SPAG16: variants seen among roughly 807,000 people sequenced by gnomAD.
SPAG16 encodes the protein sperm associated antigen 16.
A neutral mutation model predicts 80.4 loss-of-function variants in SPAG16; 86 were observed. The ratio of observed to expected loss-of-function variants is 1.07; its 90% CI spans 0.90 to 1.28. The LOEUF (loss-of-function observed/expected upper bound fraction) is 1.28, where lower values mean the gene tolerates loss of function less well. SPAG16 is among the 50% of genes most tolerant of loss of function. The probability of loss-of-function intolerance (pLI) is 0.00; values close to 1 mark genes in which losing one functional copy is unlikely to be tolerated. For missense variants in SPAG16, 870 were observed against 765.3 expected, an observed-to-expected ratio of 1.14 and a Z score of -1.61; for synonymous variants, 294 against 265.9, an observed-to-expected ratio of 1.11 and a Z score of -1.03.
intron 15 of SPAG16, among the ~76,000 whole-genome samples, chr2:214,279,518 C>G (rs1576664498): frequency 6.6e-6 from 1 of 152,116 alleles, no homozygotes; most frequent in South Asian, 2.1e-4. Flanking sequence ...TTGATGAACT[C>G]TGTAAGGTAA....
At chr2:214,064,035 G>C (rs2050412776) in intron 13 of SPAG16, among the ~76,000 whole-genome samples, 1 of 152,076 alleles carries the variant, frequency 6.6e-6, no homozygotes. Context: ...ACAACCTAGA[G>C]TCATGTACTG....
intron 10 of SPAG16, among the ~76,000 whole-genome samples, chr2:213,543,015 A>C (rs1221177045): frequency 6.6e-6 from 1 of 152,128 alleles, no homozygotes; most frequent in African/African-American, 2.4e-5. Context: ...AAGAAGTTTC[A>C]AATTCAATAA....
chr2:213,441,407 G>T (rs1013985909), intron 9 of SPAG16, among the ~76,000 whole-genome samples: 2 of 152,146 alleles, frequency 1.3e-5, no homozygotes, highest in African/African-American at 4.8e-5. Flanking sequence ...ATCTACATAT[G>T]CAGATCTATA....
At chr2:213,711,877 T>G (rs992113917) in intron 10 of SPAG16, among the ~76,000 whole-genome samples, 1 of 152,168 alleles carries the variant, frequency 6.6e-6, no homozygotes, top group East Asian at 1.9e-4. Flanking sequence ...CTATGTATTC[T>G]AACATCAAGC....
At chr2:214,116,183 C>T (rs2053925453) in intron 14 of SPAG16, among the ~76,000 whole-genome samples, 1 of 152,252 alleles carries the variant, frequency 6.6e-6, no homozygotes, top group Admixed American at 6.5e-5. Context: ...AGAGGAACCA[C>T]ACAGACTACT....
chr2:213,871,496 A>G (rs2075942818), intron 11 of SPAG16, among the ~76,000 whole-genome samples: 1 of 151,980 alleles, frequency 6.6e-6, no homozygotes, highest in African/African-American at 2.4e-5. Flanking sequence ...AAGCACACTG[A>G]CATATTTCTA....
intron 13 of SPAG16, among the ~76,000 whole-genome samples, chr2:214,047,500 A>G (rs1178833759): frequency 6.6e-6 from 1 of 152,200 alleles, no homozygotes; most frequent in African/African-American, 2.4e-5. Flanking sequence ...ATGCAGAAGA[A>G]TGAAACTAGA....
At chr2:214,112,129 GTTTC>G (rs2125418538) in intron 14 of SPAG16, among the ~76,000 whole-genome samples, 1 of 152,292 alleles carries the variant, frequency 6.6e-6, no homozygotes, top group South Asian at 2.1e-4. Context: ...TTTTGAGTGA[GTTTC>G]TTAATCCTGA....
chr2:214,175,316 GAAATATA>G (rs1320414264), intron 15 of SPAG16, among the ~76,000 whole-genome samples: 2 of 143,988 alleles, frequency 1.4e-5, no homozygotes, highest in East Asian at 4.0e-4. Context: ...TATATATAAA[GAAATATA>G]TATATAAAGA....
intron 12 of SPAG16, among the ~76,000 whole-genome samples, chr2:213,991,155 C>T (rs1003793308): frequency 3.9e-5 from 6 of 152,092 alleles, no homozygotes; most frequent in African/African-American, 1.2e-4. Flanking sequence ...TCTCCCCTAG[C>T]CCCCACTCCC....
intron 10 of SPAG16, among the ~76,000 whole-genome samples, chr2:213,565,012 CTAT>C (rs2059714641): frequency 6.6e-6 from 1 of 152,150 alleles, no homozygotes; most frequent in Admixed American, 6.5e-5. Flanking sequence ...TTTATAGTCA[CTAT>C]TATTAAAATA....
chr2:213,637,278 C>G (rs2062400319), intron 10 of SPAG16, among the ~76,000 whole-genome samples: 1 of 152,130 alleles, frequency 6.6e-6, no homozygotes, highest in African/African-American at 2.4e-5. Context: ...ATATTTTGAA[C>G]CATTCCTGCA....
At chr2:213,580,575 C>T (rs1006237281) in intron 10 of SPAG16, among the ~76,000 whole-genome samples, 3 of 152,098 alleles carry the variant, frequency 2.0e-5, no homozygotes, top group Non-Finnish European at 2.9e-5. Flanking sequence ...TCATGATTCA[C>T]AACCCCAACA....
intron 5 of SPAG16, among the ~76,000 whole-genome samples, chr2:213,332,680 C>T (rs1339244914): frequency 6.6e-6 from 1 of 152,082 alleles, no homozygotes; most frequent in African/African-American, 2.4e-5. Context: ...TTCATCATGA[C>T]CAAGTGGGAA....
chr2:213,947,089 T>C (rs2079513584), intron 12 of SPAG16, among the ~76,000 whole-genome samples: 1 of 152,174 alleles, frequency 6.6e-6, no homozygotes, highest in Non-Finnish European at 1.5e-5. Context: ...AGTTTATTTA[T>C]TCACTCCTTG....
chr2:213,518,390 C>T (rs1472688946), intron 10 of SPAG16, among the ~76,000 whole-genome samples: 3 of 152,162 alleles, frequency 2.0e-5, no homozygotes, highest in Admixed American at 6.5e-5. Context: ...GCCTCAGCCT[C>T]CTACAGGAAG....
intron 14 of SPAG16, among the ~76,000 whole-genome samples, chr2:214,145,904 A>T (rs1432189314): frequency 6.6e-6 from 1 of 152,176 alleles, no homozygotes; most frequent in East Asian, 1.9e-4. Flanking sequence ...CGTAGTAAGA[A>T]CTATACTGGA....
At chr2:214,187,992 G>A (rs889384031) in intron 15 of SPAG16, among the ~76,000 whole-genome samples, 15 of 152,124 alleles carry the variant, frequency 9.9e-5, no homozygotes, top group African/African-American at 2.9e-4. Flanking sequence ...AAATGCTGAC[G>A]GTTTATTGCA....
At chr2:213,745,624 C>T (rs950768277) in intron 10 of SPAG16, among the ~76,000 whole-genome samples, 4 of 152,142 alleles carry the variant, frequency 2.6e-5, no homozygotes, top group African/African-American at 9.7e-5. Flanking sequence ...AATAGTATAT[C>T]TGCATTTTCC....
Sources: allele counts gnomAD v4.1 joint callset (sites outside exome capture counted in the v4.1 genomes callset), GRCh38; gene constraint gnomAD v4.1.1; transcripts MANE v1.5; gene names NCBI Gene and HGNC (gene_info 2026-07-23, HGNC 2026-07-21).